Variants in CDH13 observed in about 807,000 individuals in gnomAD.
CDH13 encodes the protein cadherin-13.
Under a neutral mutation model 63.8 loss-of-function variants are expected in CDH13, and 24 were observed. The ratio of observed to expected loss-of-function variants is 0.38; its 90% CI spans 0.27 to 0.53. CDH13 has a LOEUF of 0.53. CDH13 is among the 20% of genes least tolerant of loss of function. The pLI is 0.85. For synonymous variants in CDH13, 503 were observed against 355.3 expected (o/e 1.42, Z -4.67); for missense variants, 1,049 against 903.1 (o/e 1.16, Z -2.07).
intron 10 of CDH13, among the ~76,000 whole-genome samples, chr16:83,710,865 A>G (rs1907935028): frequency 6.6e-6 from 1 of 152,178 alleles, no homozygotes; most frequent in African/African-American, 2.4e-5. Flanking sequence ...GAAGTGCTGG[A>G]GCTGGAAAAG....
At chr16:82,674,392 T>C (rs896200284) in intron 1 of CDH13, among the ~76,000 whole-genome samples, 10 of 152,190 alleles carry the variant, frequency 6.6e-5, no homozygotes, top group African/African-American at 2.4e-4. Context: ...GTATTTGAAA[T>C]GAATGTGAGA....
At chr16:82,988,946 C>T (rs1433967865) in intron 2 of CDH13, among the ~76,000 whole-genome samples, 1 of 152,108 alleles carries the variant, frequency 6.6e-6, no homozygotes, top group Non-Finnish European at 1.5e-5. Context: ...TCCATTGTCT[C>T]ATTTCTTTTT....
chr16:82,718,845 A>G (rs2151018555), intron 1 of CDH13, among the ~76,000 whole-genome samples: 1 of 152,294 alleles, frequency 6.6e-6, no homozygotes, highest in East Asian at 1.9e-4. Context: ...GGGAGCTACA[A>G]TTCAAGATGA....
intron 3 of CDH13, among the ~76,000 whole-genome samples, chr16:83,070,692 C>G (rs759134667): frequency 6.6e-6 from 1 of 152,046 alleles, no homozygotes; most frequent in Non-Finnish European, 1.5e-5. Flanking sequence ...CCTTCAATTA[C>G]ATTGAAGGGA....
chr16:83,143,164 A>G (rs184287450), intron 4 of CDH13, among the ~76,000 whole-genome samples: 9 of 152,314 alleles, frequency 5.9e-5, no homozygotes, highest in Non-Finnish European at 1.2e-4. Context: ...CCTATCTTAC[A>G]TGCAGAACGA....
chr16:82,883,261 G>T (rs979043901), intron 2 of CDH13, among the ~76,000 whole-genome samples: 2 of 152,214 alleles, frequency 1.3e-5, no homozygotes, highest in Non-Finnish European at 2.9e-5. Flanking sequence ...TATTGCTATT[G>T]TATGTGAAAT....
In CDH13 at chr16:83,388,718, G is replaced by A. The variant is rs1203480802; in HGVS notation, c.781+43712G>A. Among the ~76,000 whole-genome samples, 3 of 152,292 alleles carry A rather than the reference G, an allele frequency of 2.0e-5. No individual in the cohort carries two copies. In the East Asian group the frequency reaches 5.8e-4, roughly 29 times the overall value. The stretch of plus-strand genomic sequence containing the variant: ...ATATATTTCCAAGGGCACAGCAGGT[G>A]TGTGTGGTATGCTGAGAGTCCCCTT... On this transcript the variant is annotated intron_variant, in intron 6 of 13. Coordinates refer to ENST00000567109, the MANE Select transcript of CDH13 (RefSeq NM_001257.5).
chr16:83,233,315 T>C (rs2040055682), intron 5 of CDH13, among the ~76,000 whole-genome samples: 1 of 152,198 alleles, frequency 6.6e-6, no homozygotes, highest in Non-Finnish European at 1.5e-5. Context: ...ACCACGACAA[T>C]GTTGATGATC....
intron 8 of CDH13, among the ~76,000 whole-genome samples, chr16:83,630,009 C>A (rs1471997007): frequency 6.6e-6 from 1 of 152,214 alleles, no homozygotes; most frequent in Non-Finnish European, 1.5e-5. Flanking sequence ...ACCCTTACTT[C>A]CCACATGACC....
intron 2 of CDH13, among the ~76,000 whole-genome samples, chr16:82,965,162 C>G (rs763426693): frequency 5.9e-5 from 9 of 152,256 alleles, no homozygotes; most frequent in South Asian, 2.1e-4. Context: ...TCTCATCCCA[C>G]TTCTGCTTCC....
chr16:83,652,732 C>A (rs928073740), intron 8 of CDH13, among the ~76,000 whole-genome samples: 1 of 152,162 alleles, frequency 6.6e-6, no homozygotes, highest in Non-Finnish European at 1.5e-5. Context: ...TATGGGTTAA[C>A]AAATGACTTG....
intron 4 of CDH13, among the ~76,000 whole-genome samples, chr16:83,132,620 T>C (rs2036108625): frequency 6.6e-6 from 1 of 151,680 alleles, no homozygotes; most frequent in South Asian, 2.1e-4. Flanking sequence ...ATTTTTGTAT[T>C]TTTTTAGTAG....
At chr16:83,517,830 C>T (rs899736939) in intron 7 of CDH13, among the ~76,000 whole-genome samples, 20 of 152,164 alleles carry the variant, frequency 1.3e-4, no homozygotes, top group African/African-American at 4.3e-4. Context: ...ATAGAATACA[C>T]GTGGCACTCT....
intron 4 of CDH13, among the ~76,000 whole-genome samples, chr16:83,133,898 C>G (rs542687186): frequency 1.3e-5 from 2 of 152,208 alleles, no homozygotes; most frequent in South Asian, 2.1e-4. Context: ...TTCCCACTAA[C>G]TGTAATTCAT....
At position 83,559,142 on chromosome 16, in the gene CDH13, T is replaced by C. The variant is rs542323120; in HGVS notation, c.961-43312T>C. On this transcript the variant is annotated intron_variant, in intron 7 of 13. Coordinates refer to ENST00000567109, the MANE Select transcript of CDH13 (RefSeq NM_001257.5). ...GGAGGGCAGAGTGAAGACAGAGAAA[T>C]GCAAAGACTGTATTCTGAAAAGTTA... is the stretch of plus-strand genomic sequence containing the variant. 3.3e-5 allele frequency among the ~76,000 whole-genome samples: 5 copies of C among 152,160 alleles called. No individual in the cohort carries two copies. In the South Asian group the frequency reaches 6.2e-4, roughly 19 times the overall value.
intron 4 of CDH13, among the ~76,000 whole-genome samples, chr16:83,193,894 T>C (rs952763118): frequency 6.6e-6 from 1 of 152,214 alleles, no homozygotes; most frequent in African/African-American, 2.4e-5. Context: ...AAAAACAGAA[T>C]AGAAGTCCCT....
chr16:83,059,046 G>C (rs1028209696), intron 3 of CDH13, among the ~76,000 whole-genome samples: 1 of 152,152 alleles, frequency 6.6e-6, no homozygotes, highest in African/African-American at 2.4e-5. Context: ...AAGTGGTCAG[G>C]TGCAGGAACT....
chr16:82,911,885 G>A (rs947998519), intron 2 of CDH13, among the ~76,000 whole-genome samples: 5 of 152,006 alleles, frequency 3.3e-5, no homozygotes, highest in African/African-American at 1.2e-4. Flanking sequence ...CTGGCTTCCT[G>A]GAGCCTTAGA....
chr16:82,740,429 C>G (rs1039653630), intron 1 of CDH13, among the ~76,000 whole-genome samples: 1 of 152,192 alleles, frequency 6.6e-6, no homozygotes, highest in Non-Finnish European at 1.5e-5. Context: ...TCAGAAGTGT[C>G]TTTAAACAGA....
Sources: allele counts gnomAD v4.1 joint callset (sites outside exome capture counted in the v4.1 genomes callset), GRCh38; gene constraint gnomAD v4.1.1; transcripts MANE v1.5; gene names NCBI Gene and HGNC (gene_info 2026-07-23, HGNC 2026-07-21).